VAV2: variants seen among roughly 807,000 people sequenced by gnomAD.
VAV2 encodes vav guanine nucleotide exchange factor 2.
VAV2 carries 67 observed loss-of-function variants against 132.5 expected under a neutral mutation model. That is an observed-to-expected ratio of 0.51 (90% CI 0.42 to 0.62). The LOEUF (loss-of-function observed/expected upper bound fraction) is 0.62, where lower values mean the gene tolerates loss of function less well. Among genes scored for constraint, VAV2 ranks in the 20% least tolerant of loss-of-function variants. The probability of loss-of-function intolerance (pLI) is 0.00; values close to 1 mark genes in which losing one functional copy is unlikely to be tolerated. For synonymous variants in VAV2, 492 were observed against 443.5 expected (o/e 1.11, Z -1.37); for missense variants, 938 against 1,153.6 (o/e 0.81, Z 2.71).
chr9:133,958,246 T>G (rs1841852928), intron 1 of VAV2, among the ~76,000 whole-genome samples: 1 of 124,288 alleles, frequency 8.0e-6, no homozygotes, highest in East Asian at 2.4e-4. Context: ...CTCTTGCAGT[T>G]GAGACAAGAG....
chr9:133,790,781 C>A (rs551697501), intron 13 of VAV2, among the ~76,000 whole-genome samples: 1 of 152,208 alleles, frequency 6.6e-6, no homozygotes, highest in African/African-American at 2.4e-5. Context: ...CTTTTCCGTG[C>A]CCCACGTTCG....
At chr9:133,843,257 G>A (rs1488346853) in intron 3 of VAV2, among the ~76,000 whole-genome samples, 9 of 152,222 alleles carry the variant, frequency 5.9e-5, no homozygotes, top group Admixed American at 5.2e-4. Flanking sequence ...GCTCGGGGTG[G>A]CAGGGAGTCT....
In VAV2 at chr9:133,788,376, A is replaced by G; in HGVS notation, c.1385T>C (p.Met462Thr). 1 of 1,610,328 alleles carries G rather than the reference A, an allele frequency of 6.2e-7. No homozygotes were observed. The highest frequency in any genetic ancestry group is 8.5e-7 in the Non-Finnish European group (1 of 1,176,910). ...CACCTTCTTGACGTCCTTGTTGTTC[A>G]TGGGGTCGTCGGTCATCTTGTGGAA... ...LLFHKMTDDPMNNKDVKKSHG... is the reference protein window; with the variant it reads ...LLFHKMTDDPTNNKDVKKSHG... Residue 462 changes from methionine to threonine, a missense_variant, in exon 15 of 30, where the codon ATG becomes ACG. Met to Thr is a moderately conservative substitution (Grantham distance 81). Coordinates refer to ENST00000371850, the MANE Select transcript of VAV2 (RefSeq NM_001134398.2). The surrounding 1 kb of genome is among the most constrained non-coding windows in gnomAD (Gnocchi z 5.3).
At chr9:133,778,589 C>T (rs921055659) in intron 22 of VAV2, among the ~76,000 whole-genome samples, 173 bp downstream of exon 22, 29 of 152,360 alleles carry the variant, frequency 1.9e-4, no homozygotes, top group South Asian at 8.3e-4. Flanking sequence ...TGGCGCAGAA[C>T]GGGGCACTGA....
chr9:133,883,273 G>A lies in VAV2; in HGVS notation c.322-21841C>T, dbSNP rs1013107548. ...GCGAAGAGCCCTGGTAATTGACAAC[G>A]ATTCTCTGCACAAATGGCGGACCCA... On this transcript the variant is annotated intron_variant, in intron 2 of 29. Coordinates refer to ENST00000371850, the MANE Select transcript of VAV2 (RefSeq NM_001134398.2). This position sits in a 1 kb window ranked among gnomAD's most constrained non-coding sequence, Gnocchi z 4.2. 1.3e-5 allele frequency among the ~76,000 whole-genome samples: 2 copies of A among 152,312 alleles called. No homozygotes were observed. The highest frequency in any genetic ancestry group is 2.1e-4 in the South Asian group (1 of 4,816).
Position 133,920,751 on chromosome 9 carries a change from G to A in VAV2, c.321+18352C>T, listed in dbSNP as rs548529329. Reference sequence around the variant, plus strand: ...TGTCTCCCCACAGCAGGCCAGTGCTGGGCAACATACTGGCCGCCTGCTGCT... The same window carrying A: ...TGTCTCCCCACAGCAGGCCAGTGCTAGGCAACATACTGGCCGCCTGCTGCT... On this transcript the variant is annotated intron_variant, in intron 2 of 29. Coordinates refer to ENST00000371850, the MANE Select transcript of VAV2 (RefSeq NM_001134398.2). 7.9e-5 allele frequency among the ~76,000 whole-genome samples: 12 copies of A among 152,048 alleles called. No individual in the cohort carries two copies. In the South Asian group the frequency reaches 1.0e-3, roughly 13 times the overall value.
At chr9:133,812,739 T>C (rs994918731) in intron 4 of VAV2, among the ~76,000 whole-genome samples, 3 of 152,182 alleles carry the variant, frequency 2.0e-5, no homozygotes, top group Admixed American at 2.0e-4. Flanking sequence ...GAGTTTGTCA[T>C]TTGCCTTCTG....
At chr9:133,781,828 G>A (rs1378011779) in intron 19 of VAV2, among the ~76,000 whole-genome samples, 1 of 152,238 alleles carries the variant, frequency 6.6e-6, no homozygotes, top group Non-Finnish European at 1.5e-5. Context: ...TGGAGCTGGT[G>A]CCAGCCAGGG....
In VAV2 at chr9:133,810,263, T is replaced by TG; in HGVS notation, c.553-59dup. On this transcript the variant is annotated intron_variant, in intron 5 of 29. Coordinates refer to ENST00000371850, the MANE Select transcript of VAV2 (RefSeq NM_001134398.2). ...CCGGTTAGCAGGGCCCACACTGTCCTGGCAAGCTGGGCCTGGGACATCAGG... is the reference window on the plus strand; with the variant it reads ...CCGGTTAGCAGGGCCCACACTGTCCTGGGCAAGCTGGGCCTGGGACATCAGG... 3 of 1,610,156 alleles carry TG rather than the reference T, an allele frequency of 1.9e-6. No individual in the cohort carries two copies. In the South Asian group the frequency reaches 3.3e-5, roughly 18 times the overall value.
rs781187663 is a variant in VAV2, at chr9:133,778,879, C to T, written c.1773G>A (p.Met591Ile). 3 of 1,612,484 alleles carry T rather than the reference C, an allele frequency of 1.9e-6. No individual in the cohort carries two copies. The highest frequency in any genetic ancestry group is 2.5e-6 in the Non-Finnish European group (3 of 1,179,876). The stretch of plus-strand genomic sequence containing the variant: ...TGCCATGGTAATTCTGCATGGCCAC[C>T]ATCTTGGGACCTGCAAAGGATAGGA... ...DASGAGPGPK[M>I]VAMQNYHGNP... The change falls in exon 22 of 30, where the codon ATG becomes ATA. Residue 591 changes from methionine (M) to isoleucine (I), a missense_variant. Transcript: ENST00000371850.
chr9:133,861,426 A>T lies in VAV2; in HGVS notation c.328T>A (p.Ser110Thr). ...TGCAGGGAGAGCCTCGACACCGCGG[A>T]GATGACCTGGGGGAGACAAGAAGAG... ...FDVRDFGKVI[S>T]AVSRLSLHSI... The change falls in exon 3 of 30, where the codon TCC (serine) becomes ACC (threonine). Residue 110 changes from serine (S) to threonine (T), a missense_variant. Coordinates refer to ENST00000371850, the MANE Select transcript of VAV2 (RefSeq NM_001134398.2). The T allele has an allele frequency of 6.2e-7, 1 of 1,613,364 alleles. No homozygotes were observed.
At chr9:133,784,095 G>C (rs1834122637) in intron 18 of VAV2, among the ~76,000 whole-genome samples, 1 of 152,170 alleles carries the variant, frequency 6.6e-6, no homozygotes, top group African/African-American at 2.4e-5. Flanking sequence ...TGCCAGGCTG[G>C]TCCTGAACTA....
In VAV2 at chr9:133,809,049, G is replaced by A; in HGVS notation, c.657C>T (p.Asp219=). ...CGCCATCTGCCCTCACCTTCTCAAT[G>A]TCCTCCAGGGTGCGGTAGTACTTGG... The part of the protein sequence containing the change: ...TEAKYYRTLE[D]IEKNYMSPLR... The change falls in exon 7 of 30, where the codon GAC becomes GAT. Residue 219 remains aspartate (D), a synonymous_variant. Coordinates refer to ENST00000371850, the MANE Select transcript of VAV2 (RefSeq NM_001134398.2). The A allele has an allele frequency of 6.2e-7, 1 of 1,613,688 alleles. No homozygotes were observed. Among genetic ancestry groups the A allele is most frequent in the Non-Finnish European group, 8.5e-7 (1 of 1,179,728 alleles).
chr9:133,841,115 T>A (rs921698538), intron 3 of VAV2, among the ~76,000 whole-genome samples: 16 of 151,932 alleles, frequency 1.1e-4, no homozygotes, highest in Non-Finnish European at 1.5e-5. Flanking sequence ...AGGTAGCAGG[T>A]GCCTGGGTTC....
chr9:133,990,512 G>C (rs1231792057), intron 1 of VAV2, among the ~76,000 whole-genome samples: 1 of 152,142 alleles, frequency 6.6e-6, no homozygotes, highest in Non-Finnish European at 1.5e-5. Flanking sequence ...CTCCTCCCAA[G>C]CCTCCTCTGT....
intron 2 of VAV2, among the ~76,000 whole-genome samples, chr9:133,921,388 A>T (rs1588373256): frequency 6.6e-6 from 1 of 152,204 alleles, no homozygotes; most frequent in East Asian, 1.9e-4. Flanking sequence ...CTGTCATCTC[A>T]GCACTTCAGG....
At chr9:133,985,885 A>G (rs1842843605) in intron 1 of VAV2, among the ~76,000 whole-genome samples, 1 of 152,194 alleles carries the variant, frequency 6.6e-6, no homozygotes, top group Admixed American at 6.5e-5. Context: ...ATATGCATGG[A>G]ATAAAATAGG....
At chr9:133,874,468 C>T (rs1838184158) in intron 2 of VAV2, among the ~76,000 whole-genome samples, 1 of 152,198 alleles carries the variant, frequency 6.6e-6, no homozygotes, top group Admixed American at 6.5e-5. Flanking sequence ...CCGCATCAGT[C>T]CCTCTTTAAT....
At chr9:133,981,818 A>G (rs1033171868) in intron 1 of VAV2, among the ~76,000 whole-genome samples, 3 of 152,144 alleles carry the variant, frequency 2.0e-5, no homozygotes, top group Non-Finnish European at 2.9e-5. Flanking sequence ...AGACACGAGG[A>G]GCCCGGCCTC....
Sources: gnomAD v4.1 joint callset for allele counts (sites outside exome capture counted in the v4.1 genomes callset) on GRCh38, gnomAD v4.1.1 for gene constraint, Gnocchi (gnomAD v3.1) non-coding constraint, MANE v1.5 for transcripts, NCBI Gene and HGNC (gene_info 2026-07-23, HGNC 2026-07-21) for gene names.